The following ANGPTL2 variants were observed in gnomAD, a reference collection of about 807,000 sequenced individuals.
ANGPTL2 encodes angiopoietin like 2, also known as angiopoietin-related protein 2.
In ANGPTL2, 25 loss-of-function variants were observed where a neutral mutation model predicts 52.8. The observed-to-expected ratio is 0.47, with a 90% CI of 0.35 to 0.66. The LOEUF (loss-of-function observed/expected upper bound fraction) is 0.66, where lower values mean the gene tolerates loss of function less well. Among genes scored for constraint, ANGPTL2 ranks in the 30% least tolerant of loss-of-function variants. ANGPTL2 has a pLI of 0.01. For missense variants in ANGPTL2, 546 were observed against 656.9 expected (o/e 0.83, Z 1.84); for synonymous variants, 276 against 277.4 (o/e 1.00, Z 0.05).
intron 2 of ANGPTL2, among the ~76,000 whole-genome samples, chr9:127,098,277 C>T (rs2053359919): frequency 6.6e-6 from 1 of 152,208 alleles, no homozygotes; most frequent in African/African-American, 2.4e-5. Flanking sequence ...TCCCTTTGGA[C>T]CAGTGCAGAG....
chr9:127,098,135 A>T (rs1289600534), intron 2 of ANGPTL2, among the ~76,000 whole-genome samples: 1 of 152,244 alleles, frequency 6.6e-6, no homozygotes, highest in Non-Finnish European at 1.5e-5. Flanking sequence ...TAAGATATTT[A>T]CCAGTAGATG....
At chr9:127,121,631 C>T (rs1385353126) in intron 1 of ANGPTL2, among the ~76,000 whole-genome samples, 2 of 152,206 alleles carry the variant, frequency 1.3e-5, no homozygotes, top group African/African-American at 4.8e-5. Context: ...TGTGGAGCCC[C>T]TGCTGTCCCC....
chr9:127,111,641 A>C (rs763866065), intron 1 of ANGPTL2, among the ~76,000 whole-genome samples: 4 of 152,226 alleles, frequency 2.6e-5, no homozygotes, highest in Non-Finnish European at 5.9e-5. Context: ...AAGGTCCGCT[A>C]TATACCTGAC....
intron 1 of ANGPTL2, among the ~76,000 whole-genome samples, chr9:127,119,974 A>C (rs887105823): frequency 6.6e-6 from 1 of 152,222 alleles, no homozygotes; most frequent in South Asian, 2.1e-4. Flanking sequence ...TCACCTTTTC[A>C]AAATGCTTCC....
At chr9:127,117,995 C>T (rs1354797400) in intron 1 of ANGPTL2, among the ~76,000 whole-genome samples, 1 of 152,224 alleles carries the variant, frequency 6.6e-6, no homozygotes, top group Non-Finnish European at 1.5e-5. Flanking sequence ...AGGCTGATTT[C>T]AGCAGAGAAT....
chr9:127,094,007 A>C (rs1457338462), intron 2 of ANGPTL2, 81 bp from the exon 3 acceptor site: 1 of 1,502,888 alleles, frequency 6.7e-7, no homozygotes, highest in Non-Finnish European at 9.0e-7. Context: ...AGCAGGCACA[A>C]CCTCTGTTGA....
Position 127,091,068 on chromosome 9 carries a change from T to A in ANGPTL2, c.1282+602A>T, listed in dbSNP as rs879933291. ...CTCTCAGCACTGCACTAGCATTACA[T>A]GCAGTAACAGTGACCATGAAGAAAG... On this transcript the variant is annotated intron_variant, in intron 4 of 4. Transcript: ENST00000373425. This position sits in a 1 kb window ranked among gnomAD's most constrained non-coding sequence, Gnocchi z 4.3. Among the ~76,000 whole-genome samples, 2 of 152,266 alleles carry A rather than the reference T, an allele frequency of 1.3e-5. No homozygotes were observed. The highest frequency in any genetic ancestry group is 2.9e-5 in the Non-Finnish European group (2 of 68,052).
chr9:127,099,032 A>G (rs956367550), intron 2 of ANGPTL2, among the ~76,000 whole-genome samples: 1 of 152,212 alleles, frequency 6.6e-6, no homozygotes, highest in African/African-American at 2.4e-5. Flanking sequence ...TCCGTGGGCA[A>G]GAGGGATGCC....
chr9:127,115,639 C>G lies in ANGPTL2; in HGVS notation c.-50+6676G>C, dbSNP rs148195469. The stretch of plus-strand genomic sequence containing the variant: ...ACCCTGCCTTGCATCAAGATTGTCT[C>G]TTCAACCAGTATGAATAAAAGGTGC... On this transcript the variant is annotated intron_variant, in intron 1 of 4. Transcript: ENST00000373425. Among the ~76,000 whole-genome samples, 39 of 152,340 alleles carry G rather than the reference C, an allele frequency of 2.6e-4. No homozygotes were observed. In the East Asian group the frequency reaches 7.1e-3, roughly 28 times the overall value.
rs541984631 is a variant in ANGPTL2, at chr9:127,088,594, C to T, written c.*345G>A. ...TAAATGCATATATATGTGGTATACA[C>T]ATACGTGCACAAGGGAGGCTCATAC... On this transcript the variant is annotated 3_prime_UTR_variant, in exon 5 of 5. Coordinates refer to ENST00000373425, the MANE Select transcript of ANGPTL2 (RefSeq NM_012098.3). 3.2e-4 allele frequency: 106 copies of T among 335,478 alleles called. No individual in the cohort carries two copies. The highest frequency in any genetic ancestry group is 2.0e-3 in the African/African-American group (98 of 47,978). 20.8% of individuals were successfully genotyped at this position (335,478 alleles called of 1,614,324 possible).
rs2052533374 is a variant in ANGPTL2, at chr9:127,091,949, A to C, written c.1012-9T>G. 6.2e-7 allele frequency: 1 copy of C among 1,612,904 alleles called. No individual in the cohort carries two copies. On this transcript the variant is annotated splice_polypyrimidine_tract_variant and intron_variant, in intron 3 of 4. Coordinates refer to ENST00000373425, the MANE Select transcript of ANGPTL2 (RefSeq NM_012098.3). The surrounding 1 kb of genome is among the most constrained non-coding windows in gnomAD (Gnocchi z 4.3). ...ATGTTCCCAAACCCTTGCTGGGGAA[A>C]ACCCAGGAGAGTGTTAATGTGGAGC...
intron 1 of ANGPTL2, among the ~76,000 whole-genome samples, chr9:127,120,688 C>T (rs751854533): frequency 9.2e-5 from 14 of 152,070 alleles, no homozygotes; most frequent in African/African-American, 2.9e-4. Flanking sequence ...ATTAGCTGGG[C>T]GTGGTGGTGG....
At chr9:127,113,318 G>A (rs2055041222) in intron 1 of ANGPTL2, among the ~76,000 whole-genome samples, 1 of 152,128 alleles carries the variant, frequency 6.6e-6, no homozygotes, top group Admixed American at 6.5e-5. Context: ...CATGCTCCTT[G>A]GGCTTCTCTT....
intron 2 of ANGPTL2, chr9:127,107,089 A>G (rs2054291425): frequency 6.6e-6 from 1 of 152,228 alleles, no homozygotes; most frequent in Non-Finnish European, 1.5e-5. Flanking sequence ...TCTTCCAGAA[A>G]TGATGATTCC....
At chr9:127,103,185 G>C (rs138960609) in intron 2 of ANGPTL2, among the ~76,000 whole-genome samples, 98 of 152,354 alleles carry the variant, frequency 6.4e-4, no homozygotes, top group Middle Eastern at 6.8e-3. Context: ...ACATACCATT[G>C]TGCTGGGGAA....
intron 1 of ANGPTL2, among the ~76,000 whole-genome samples, chr9:127,111,963 A>C (rs1026548451): frequency 6.6e-6 from 1 of 152,230 alleles, no homozygotes; most frequent in Admixed American, 6.5e-5. Flanking sequence ...CAAGTATGAC[A>C]CAGGACCTAA....
rs1322391926 is a variant in ANGPTL2, at chr9:127,091,619, G to T, written c.1282+51C>A. 2 of 1,583,302 alleles carry T rather than the reference G, an allele frequency of 1.3e-6. No individual in the cohort carries two copies. Among genetic ancestry groups the T allele is most frequent in the South Asian group, 2.3e-5 (2 of 86,168 alleles). ...CCTGGAGTCAGGGGCTCTGGCTCTGGTTGACCTCTTTTCCCTACCCTGCAC... is the reference window on the plus strand; with the variant it reads ...CCTGGAGTCAGGGGCTCTGGCTCTGTTTGACCTCTTTTCCCTACCCTGCAC... On this transcript the variant is annotated intron_variant, in intron 4 of 4. Coordinates refer to ENST00000373425, the MANE Select transcript of ANGPTL2 (RefSeq NM_012098.3). This position sits in a 1 kb window ranked among gnomAD's most constrained non-coding sequence, Gnocchi z 4.3.
In ANGPTL2 at chr9:127,091,555, C is replaced by T. The variant is rs1008664024; in HGVS notation, c.1282+115G>A. 4.9e-6 allele frequency: 7 copies of T among 1,427,328 alleles called. No homozygotes were observed. The highest frequency in any genetic ancestry group is 2.8e-5 in the African/African-American group (2 of 70,242). 88.4% of individuals were successfully genotyped at this position (1,427,328 alleles called of 1,614,324 possible). On this transcript the variant is annotated intron_variant, in intron 4 of 4. Transcript: ENST00000373425. This position sits in a 1 kb window ranked among gnomAD's most constrained non-coding sequence, Gnocchi z 4.3. ...TGGTAACAGGGTCAGGCAGCTTGGCCCAGCTGCTTCTCACCCTGGGATCTT... is the reference window on the plus strand; with the variant it reads ...TGGTAACAGGGTCAGGCAGCTTGGCTCAGCTGCTTCTCACCCTGGGATCTT...
At chr9:127,121,998 A>G (rs1198616628) in intron 1 of ANGPTL2, among the ~76,000 whole-genome samples, 1 of 151,538 alleles carries the variant, frequency 6.6e-6, no homozygotes, top group African/African-American at 2.4e-5. Flanking sequence ...ACACACGCAC[A>G]CTCCCAGCTG....
Sources: allele counts gnomAD v4.1 joint callset (sites outside exome capture counted in the v4.1 genomes callset), GRCh38; gene constraint gnomAD v4.1.1; non-coding constraint Gnocchi (gnomAD v3.1); transcripts MANE v1.5; gene names NCBI Gene and HGNC (gene_info 2026-07-23, HGNC 2026-07-21).